Variants in CNIH3 observed in about 807,000 individuals in gnomAD.
CNIH3 encodes the protein protein cornichon homolog 3.
CNIH3 carries 14 observed loss-of-function variants against 24.1 expected under a neutral mutation model. The ratio of observed to expected loss-of-function variants is 0.58; its 90% CI spans 0.38 to 0.91. CNIH3 has a LOEUF of 0.91. CNIH3 is among the 40% of genes least tolerant of loss of function. The probability of loss-of-function intolerance (pLI) is 0.00; values close to 1 mark genes in which losing one functional copy is unlikely to be tolerated. For synonymous variants in CNIH3, 68 were observed against 73.8 expected, an observed-to-expected ratio of 0.92 and a Z score of 0.40; for missense variants, 178 against 196.8, an observed-to-expected ratio of 0.90 and a Z score of 0.57.
chr1:224,543,171 C>G (rs755067724), intron 2 of CNIH3, among the ~76,000 whole-genome samples: 1 of 152,048 alleles, frequency 6.6e-6, no homozygotes. Context: ...GCCTGGGTAA[C>G]GAAATTCTAA....
chr1:224,510,660 C>G (rs1035250424), intron 1 of CNIH3, among the ~76,000 whole-genome samples: 1 of 151,836 alleles, frequency 6.6e-6, no homozygotes, highest in Admixed American at 6.6e-5. Context: ...ATGTCCTGGC[C>G]GGTCAATGCA....
intron 1 of CNIH3, among the ~76,000 whole-genome samples, chr1:224,660,150 T>C (rs1437027393): frequency 6.6e-6 from 1 of 152,212 alleles, no homozygotes; most frequent in Admixed American, 6.5e-5. Flanking sequence ...TAGCTGAGAC[T>C]AGGCAATTTA....
chr1:224,518,961 G>A (rs1558125203), intron 1 of CNIH3, among the ~76,000 whole-genome samples: 2 of 152,102 alleles, frequency 1.3e-5, no homozygotes, highest in African/African-American at 2.4e-5. Context: ...GTGATCTTGG[G>A]AAATTACCTT....
upstream of CNIH3, chr1:224,513,700 G>A (rs1408140616): frequency 1.3e-5 from 2 of 152,206 alleles, no homozygotes; most frequent in African/African-American, 4.8e-5. Context: ...TCAATATAGT[G>A]GCATGAAGGA....
intron 1 of CNIH3, among the ~76,000 whole-genome samples, chr1:224,617,797 G>A (rs1572596155): frequency 1.3e-5 from 2 of 152,112 alleles, no homozygotes; most frequent in Non-Finnish European, 2.9e-5. Context: ...AAGGCGGTGG[G>A]GGAAAGGCGA....
intron 3 of CNIH3, among the ~76,000 whole-genome samples, chr1:224,565,113 C>G (rs547875236): frequency 6.6e-6 from 1 of 152,312 alleles, no homozygotes; most frequent in South Asian, 2.1e-4. Flanking sequence ...TCCCCATTCC[C>G]CCAAATAGAT....
At chr1:224,461,965 C>T (rs952150265) in intron 1 of CNIH3, among the ~76,000 whole-genome samples, 11 of 152,102 alleles carry the variant, frequency 7.2e-5, no homozygotes, top group African/African-American at 2.4e-4. Context: ...CACGTTGTAG[C>T]ATTTATCAGT....
rs575181214 is a variant in CNIH3, at chr1:224,461,445, A to T, written n.203+26583A>T. On this transcript the variant is annotated intron_variant and non_coding_transcript_variant, in intron 1 of 5. Coordinates refer to the CNIH3 transcript ENST00000471578. ...AGATAAGCATACCAGTATTCTATAG[A>T]ATAGTATCAGCACACAAGGCACACT... is the stretch of plus-strand genomic sequence containing the variant. Among the ~76,000 whole-genome samples, 13 of 152,308 alleles carry T rather than the reference A, an allele frequency of 8.5e-5. No homozygotes were observed. In the South Asian group the frequency reaches 2.1e-3, roughly 24 times the overall value.
At chr1:224,677,568 A>G (rs1368536097) in intron 1 of CNIH3, among the ~76,000 whole-genome samples, 1 of 152,258 alleles carries the variant, frequency 6.6e-6, no homozygotes, top group East Asian at 1.9e-4. Context: ...GCTCAAAGGC[A>G]TAAGCCACAC....
intron 1 of CNIH3, among the ~76,000 whole-genome samples, chr1:224,501,919 G>A (rs1263494955): frequency 1.3e-5 from 2 of 152,176 alleles, no homozygotes; most frequent in South Asian, 2.1e-4. Context: ...TGGAAGAGGG[G>A]TCCCTGTTGG....
At chr1:224,632,393 T>C (rs1487493428) in intron 1 of CNIH3, among the ~76,000 whole-genome samples, 3 of 152,106 alleles carry the variant, frequency 2.0e-5, no homozygotes, top group East Asian at 1.9e-4. Context: ...TCTGTGGTCA[T>C]TGGGAATTGG....
intron 1 of CNIH3, among the ~76,000 whole-genome samples, chr1:224,444,538 C>T (rs891941377): frequency 7.9e-5 from 12 of 151,762 alleles, no homozygotes; most frequent in South Asian, 2.1e-4. Context: ...TCAGTAGAGG[C>T]GGGGTTTCAC....
chr1:224,725,983 A>T (rs1044434593), intron 3 of CNIH3, among the ~76,000 whole-genome samples: 1 of 152,238 alleles, frequency 6.6e-6, no homozygotes, highest in Non-Finnish European at 1.5e-5. Flanking sequence ...CATTGATGGG[A>T]TAAAACAGCA....
intron 5 of CNIH3, 26 bp from the exon 6 acceptor site, chr1:224,739,295 CTTTTTTTT>C (rs11342205): frequency 1.6e-3 from 2,129 of 1,340,842 alleles, no homozygotes; most frequent in East Asian, 1.8e-3. Flanking sequence ...ACCTTCCTCT[CTTTTTTTT>C]TTTTTTTTTT....
chr1:224,588,625 T>A (rs1026714209), downstream of CNIH3: 1 of 152,138 alleles, frequency 6.6e-6, no homozygotes, highest in Non-Finnish European at 1.5e-5. Flanking sequence ...AACAAGCATT[T>A]AAACTCCCAT....
At chr1:224,599,888 T>C (rs981878773) in intron 3 of CNIH3, among the ~76,000 whole-genome samples, 1 of 152,202 alleles carries the variant, frequency 6.6e-6, no homozygotes, top group South Asian at 2.1e-4. Context: ...AAAATGAATA[T>C]AAAATTTCTA....
At chr1:224,580,293 ATCTGCTT>A (rs1681215909) in intron 4 of CNIH3, among the ~76,000 whole-genome samples, 1 of 152,154 alleles carries the variant, frequency 6.6e-6, no homozygotes. Flanking sequence ...CCACTCATCC[ATCTGCTT>A]TCCAGTTTCC....
intron 3 of CNIH3, among the ~76,000 whole-genome samples, chr1:224,729,826 T>G (rs1024903978): frequency 6.6e-6 from 1 of 152,236 alleles, no homozygotes; most frequent in Non-Finnish European, 1.5e-5. Flanking sequence ...CATCAGGCCT[T>G]TCTTGGTCAG....
chr1:224,587,377 G>C (rs899568870), intron 5 of CNIH3: 6 of 152,342 alleles, frequency 3.9e-5, no homozygotes, highest in Admixed American at 1.3e-4. Flanking sequence ...TAGAAGCCAG[G>C]GGACAGTGTG....
Sources: allele counts gnomAD v4.1 joint callset (sites outside exome capture counted in the v4.1 genomes callset), GRCh38; gene constraint gnomAD v4.1.1; transcripts MANE v1.5; gene names NCBI Gene and HGNC (gene_info 2026-07-23, HGNC 2026-07-21).